PARVB: variants seen among roughly 807,000 people sequenced by gnomAD.
The protein encoded by PARVB is beta-parvin.
PARVB carries 46 observed loss-of-function variants against 47.0 expected under a neutral mutation model. The ratio of observed to expected loss-of-function variants is 0.98; its 90% CI spans 0.77 to 1.25. The LOEUF is 1.25. Among genes scored for constraint, PARVB ranks in the 50% most tolerant of loss-of-function variants. The pLI is 0.00. For missense variants in PARVB, 473 were observed against 471.6 expected, an observed-to-expected ratio of 1.00 and a Z score of -0.03; for synonymous variants, 196 against 196.3, an observed-to-expected ratio of 1.00 and a Z score of 0.01.
At chr22:44,146,193 C>G (rs1420604566) in intron 8 of PARVB, 1 of 149,344 alleles carries the variant, frequency 6.7e-6, no homozygotes, top group Admixed American at 6.7e-5. Flanking sequence ...CACACGCACA[C>G]CCGTGCTCAC....
intron 1 of PARVB, among the ~76,000 whole-genome samples, chr22:44,041,040 TGAAGTCCCACAGTTTGTGG>T (rs1385139449): frequency 6.6e-5 from 10 of 151,836 alleles, no homozygotes; most frequent in African/African-American, 2.4e-4. Flanking sequence ...TTGTGTCGTA[TGAAGTCCCACAGTTTGTGG>T]GAATTATTTC....
chr22:44,172,198 G>A lies in PARVB; in HGVS notation c.*3520G>A, dbSNP rs9614208. 0.29 allele frequency: 43,453 copies of A among 152,108 alleles called. 6,666 individuals are homozygous for A. Among genetic ancestry groups the A allele is most frequent in the Non-Finnish European group, 0.36 (24,398 of 67,998 alleles). 9.4% of individuals were successfully genotyped at this position (152,108 alleles called of 1,614,324 possible). A position where few individuals can be genotyped will look rare whatever the true frequency, so the allele number is the denominator to read the frequency against. On this transcript the variant is annotated 3_prime_UTR_variant, in exon 13 of 13. Transcript: ENST00000338758. ...CCAAGGCAGAATTCAGGGTGAACTC[G>A]ATTCCTATAGGCTTGGGATGAATGG...
chr22:44,099,664 T>C (rs2052395219), intron 2 of PARVB, among the ~76,000 whole-genome samples: 1 of 152,324 alleles, frequency 6.6e-6, no homozygotes, highest in Middle Eastern at 3.4e-3. Flanking sequence ...TTCAAATGTA[T>C]TTATAAATAG....
intron 1 of PARVB, 128 bp downstream of exon 1, chr22:44,024,579 A>C (rs1422137697): frequency 3.0e-6 from 1 of 331,896 alleles, no homozygotes; most frequent in Non-Finnish European, 4.6e-6. Context: ...CGGCTGCGCG[A>C]CCTTCGGGAC....
intron 7 of PARVB, among the ~76,000 whole-genome samples, chr22:44,138,278 A>G (rs1173448150): frequency 6.6e-6 from 1 of 152,130 alleles, no homozygotes; most frequent in Non-Finnish European, 1.5e-5. Flanking sequence ...TCGGGGCCCT[A>G]AGGGAATTTC....
chr22:44,129,373 G>A (rs914714525), intron 4 of PARVB, among the ~76,000 whole-genome samples: 1 of 152,176 alleles, frequency 6.6e-6, no homozygotes, highest in African/African-American at 2.4e-5. Context: ...CTTCGTTGCA[G>A]CAGCCCAGAC....
At chr22:44,096,826 G>A (rs988629564) in intron 2 of PARVB, among the ~76,000 whole-genome samples, 3 of 152,034 alleles carry the variant, frequency 2.0e-5, no homozygotes, top group Non-Finnish European at 2.9e-5. Context: ...GCGGGGGCTC[G>A]GTTCCCACAA....
At chr22:44,160,726 A>G (rs2147175796) in intron 11 of PARVB, among the ~76,000 whole-genome samples, 1 of 152,348 alleles carries the variant, frequency 6.6e-6, no homozygotes, top group South Asian at 2.1e-4. Context: ...AGAAAGCAGA[A>G]GGAAAATCTC....
intron 9 of PARVB, chr22:44,151,194 G>A (rs1898772553): frequency 3.1e-6 from 1 of 321,876 alleles, no homozygotes; most frequent in African/African-American, 2.1e-5. Flanking sequence ...AGAGCACAGG[G>A]TGCTCTCCAG....
intron 2 of PARVB, among the ~76,000 whole-genome samples, chr22:44,007,716 A>C (rs934720515): frequency 4.6e-5 from 7 of 152,222 alleles, no homozygotes; most frequent in Non-Finnish European, 8.8e-5. Context: ...TGAGGTCTAC[A>C]GTTCCGTGGC....
chr22:44,003,633 C>CT (rs2050434852), intron 2 of PARVB, among the ~76,000 whole-genome samples: 1 of 152,164 alleles, frequency 6.6e-6, no homozygotes, highest in African/African-American at 2.4e-5. Context: ...CCTTTCCTGT[C>CT]TGTCTGAAAA....
Position 44,155,470 on chromosome 22 carries a change from G to A in PARVB, c.844-2512G>A, listed in dbSNP as rs1335217026. Among the ~76,000 whole-genome samples, 2 of 152,172 alleles carry A rather than the reference G, an allele frequency of 1.3e-5. No homozygotes were observed. The highest frequency in any genetic ancestry group is 6.5e-5 in the Admixed American group (1 of 15,282). ...TTGTGGCCGTCCCTCCCTCCTTCCT[G>A]TGAGCCCGTGTGCTGGGACAGTGAG... is the stretch of plus-strand genomic sequence containing the variant. On this transcript the variant is annotated intron_variant, in intron 10 of 12. Coordinates refer to ENST00000338758, the MANE Select transcript of PARVB (RefSeq NM_013327.5). The surrounding 1 kb of genome is among the most constrained non-coding windows in gnomAD (Gnocchi z 4.8).
At chr22:44,056,285 G>A (rs1370999360) in intron 1 of PARVB, among the ~76,000 whole-genome samples, 1 of 152,184 alleles carries the variant, frequency 6.6e-6, no homozygotes, top group Non-Finnish European at 1.5e-5. Flanking sequence ...ACCTGGGAGG[G>A]GTGATTCTGT....
intron 1 of PARVB, among the ~76,000 whole-genome samples, chr22:44,055,624 C>T (rs1468835426): frequency 2.6e-5 from 4 of 151,898 alleles, no homozygotes; most frequent in South Asian, 4.2e-4. Context: ...TGAGCCACCG[C>T]GCCCAGCCTG....
chr22:44,078,830 T>C (rs2051834644), intron 1 of PARVB, among the ~76,000 whole-genome samples: 1 of 152,170 alleles, frequency 6.6e-6, no homozygotes, highest in South Asian at 2.1e-4. Flanking sequence ...GTTCAAGCGA[T>C]TCTCCTGCCT....
chr22:44,119,940 C>T (rs755515836), intron 4 of PARVB: 31 of 469,802 alleles, frequency 6.6e-5, no homozygotes, highest in African/African-American at 1.8e-4. Flanking sequence ...GAGCAGAGTT[C>T]GCAGATGATG....
intron 11 of PARVB, among the ~76,000 whole-genome samples, chr22:44,159,649 CT>C (rs759900958): frequency 6.6e-5 from 10 of 152,142 alleles, no homozygotes; most frequent in Non-Finnish European, 1.2e-4. Flanking sequence ...CAGCCCCTGC[CT>C]TTTTTCCCTT....
chr22:44,140,131 A>G lies in PARVB; in HGVS notation c.700A>G (p.Met234Val). 6.3e-7 allele frequency: 1 copy of G among 1,591,242 alleles called. No homozygotes were observed. The highest frequency in any genetic ancestry group is 8.5e-7 in the Non-Finnish European group (1 of 1,170,524). ...CTGTGTTCTTGTTTGCAGGATGATG[A>G]TGGGCCGGTTCGGTAAGTAACCCCA... ...EELTTTTEMM[M>V]GRFERDAFDT... is the part of the protein sequence containing the mutation. The change falls in exon 8 of 13, where the codon ATG (methionine) becomes GTG (valine). Residue 234 changes from methionine (M) to valine (V), a missense_variant. Met to Val is a conservative substitution (Grantham distance 21). Coordinates refer to ENST00000338758, the MANE Select transcript of PARVB (RefSeq NM_013327.5).
chr22:44,163,535 C>T (rs924357710), intron 11 of PARVB, among the ~76,000 whole-genome samples: 1 of 152,154 alleles, frequency 6.6e-6, no homozygotes, highest in East Asian at 1.9e-4. Context: ...TGTGACTTCT[C>T]ATCAGGTGGC....
Sources: gnomAD v4.1 joint callset for allele counts (sites outside exome capture counted in the v4.1 genomes callset) on GRCh38, gnomAD v4.1.1 for gene constraint, Gnocchi (gnomAD v3.1) non-coding constraint, MANE v1.5 for transcripts, NCBI Gene and HGNC (gene_info 2026-07-23, HGNC 2026-07-21) for gene names.